The following B3GALT1 variants were observed in gnomAD, a reference collection of about 807,000 sequenced individuals.
B3GALT1 encodes UDP-Gal:betaGlcNAc beta 1,3-galactosyltransferase, polypeptide 1.
In B3GALT1, 10 loss-of-function variants were observed where a neutral mutation model predicts 23.2. That is an observed-to-expected ratio of 0.43 (90% confidence interval 0.27 to 0.73). The LOEUF is 0.73. Among genes scored for constraint, B3GALT1 ranks in the 30% least tolerant of loss-of-function variants. The probability of loss-of-function intolerance (pLI) is 0.21; values close to 1 mark genes in which losing one functional copy is unlikely to be tolerated. For synonymous variants in B3GALT1, 156 were observed against 141.5 expected (o/e 1.10, Z -0.73); for missense variants, 299 against 405.4 (o/e 0.74, Z 2.25).
intron 1 of B3GALT1, among the ~76,000 whole-genome samples, chr2:167,429,855 CTAA>C (rs2105306772): frequency 6.6e-6 from 1 of 152,316 alleles, no homozygotes; most frequent in Non-Finnish European, 1.5e-5. Flanking sequence ...ATGTTAGCCT[CTAA>C]TGTTACCATT....
intron 1 of B3GALT1, among the ~76,000 whole-genome samples, chr2:167,379,638 A>C (rs1460878866): frequency 3.3e-5 from 5 of 152,094 alleles, no homozygotes; most frequent in Non-Finnish European, 7.4e-5. Context: ...ATTCTTGTTT[A>C]CTGGAAGAAG....
At chr2:167,587,818 A>T (rs1684607513) in intron 2 of B3GALT1, among the ~76,000 whole-genome samples, 1 of 152,188 alleles carries the variant, frequency 6.6e-6, no homozygotes, top group Non-Finnish European at 1.5e-5. Flanking sequence ...CAGTCTAGTA[A>T]TTCAATGTAT....
At chr2:167,787,416 A>G (rs1688359319) in intron 3 of B3GALT1, among the ~76,000 whole-genome samples, 1 of 152,218 alleles carries the variant, frequency 6.6e-6, no homozygotes, top group Non-Finnish European at 1.5e-5. Context: ...AGTAGGTCAG[A>G]AAAAAATGAC....
chr2:167,536,291 G>A (rs577017543), intron 2 of B3GALT1, among the ~76,000 whole-genome samples: 33 of 152,134 alleles, frequency 2.2e-4, no homozygotes, highest in African/African-American at 8.0e-4. Context: ...GCAAGAACAG[G>A]AAATAAAGAA....
intron 2 of B3GALT1, among the ~76,000 whole-genome samples, chr2:167,579,441 TTTTTTTC>T (rs1300362500): frequency 6.9e-6 from 1 of 145,912 alleles, no homozygotes; most frequent in Non-Finnish European, 1.5e-5. Context: ...TCTTTTTTTT[TTTTTTTC>T]CATTTAAATT....
At chr2:167,661,470 T>C (rs1056783228) in intron 3 of B3GALT1, among the ~76,000 whole-genome samples, 5 of 152,028 alleles carry the variant, frequency 3.3e-5, no homozygotes, top group Admixed American at 3.3e-4. Flanking sequence ...TTCTAAACTG[T>C]TATTCAAGAG....
intron 4 of B3GALT1, among the ~76,000 whole-genome samples, chr2:167,853,343 C>T (rs1689940315): frequency 6.6e-6 from 1 of 152,058 alleles, no homozygotes; most frequent in Non-Finnish European, 1.5e-5. Flanking sequence ...CAATTTTTCT[C>T]CTATTGAGAG....
intron 3 of B3GALT1, among the ~76,000 whole-genome samples, chr2:167,665,768 T>A (rs925175237): frequency 2.0e-5 from 3 of 152,254 alleles, no homozygotes; most frequent in Non-Finnish European, 4.4e-5. Flanking sequence ...TTTGTACTAT[T>A]CTCTGATGGT....
chr2:167,548,687 T>TGTGTGTGTGTGTGTGTGTGTGAGA (rs1553466247), intron 2 of B3GALT1, among the ~76,000 whole-genome samples: 12 of 123,870 alleles, frequency 9.7e-5, no homozygotes, highest in Admixed American at 5.5e-4. Context: ...TGTGTGTGAG[T>TGTGTGTGTGTGTGTGTGTGTGAGA]GTGTGTGTGT....
intron 1 of B3GALT1, among the ~76,000 whole-genome samples, chr2:167,324,600 A>T (rs747976952): frequency 1.3e-5 from 2 of 152,034 alleles, no homozygotes; most frequent in Non-Finnish European, 2.9e-5. Context: ...GATATATTAG[A>T]TTTGAACATA....
chr2:167,501,163 A>G (rs1233648156), intron 2 of B3GALT1, among the ~76,000 whole-genome samples: 3 of 152,148 alleles, frequency 2.0e-5, no homozygotes, highest in African/African-American at 7.2e-5. Context: ...GTAGAAGTAA[A>G]TGGAAATGGA....
chr2:167,606,702 G>T (rs1361528708), intron 2 of B3GALT1, among the ~76,000 whole-genome samples: 1 of 152,144 alleles, frequency 6.6e-6, no homozygotes, highest in Non-Finnish European at 1.5e-5. Context: ...GAGAAGAAAA[G>T]ATTGGGGCAA....
chr2:167,591,768 T>C (rs1274879342), intron 2 of B3GALT1, among the ~76,000 whole-genome samples: 1 of 152,144 alleles, frequency 6.6e-6, no homozygotes, highest in Admixed American at 6.5e-5. Flanking sequence ...CCACTGCACC[T>C]GGCCTGACCT....
intron 3 of B3GALT1, among the ~76,000 whole-genome samples, chr2:167,762,306 G>T (rs1030547826): frequency 6.6e-6 from 1 of 152,220 alleles, no homozygotes; most frequent in Non-Finnish European, 1.5e-5. Flanking sequence ...ACTAGACCAA[G>T]AATATGGCAT....
chr2:167,315,410 T>G (rs1696698817), intron 1 of B3GALT1, among the ~76,000 whole-genome samples: 2 of 152,168 alleles, frequency 1.3e-5, no homozygotes. Flanking sequence ...ACCTATGGCC[T>G]GTGACATATT....
In B3GALT1 at chr2:167,775,731, C is replaced by G. The variant is rs142979652; in HGVS notation, c.-351-42941C>G. 3.5e-3 allele frequency among the ~76,000 whole-genome samples: 516 copies of G among 148,058 alleles called. 2 individuals are homozygous for G. The highest frequency in any genetic ancestry group is 0.026 in the Middle Eastern group (6 of 232). On this transcript the variant is annotated intron_variant, in intron 3 of 4. Transcript: ENST00000392690. ...AAACAGGTGCTTCCATATTCAAATG[C>G]ATGAAGAAACAGTATGGCATATATT...
At chr2:167,308,668 T>C (rs537442659) in intron 1 of B3GALT1, among the ~76,000 whole-genome samples, 2 of 151,938 alleles carry the variant, frequency 1.3e-5, no homozygotes, top group South Asian at 4.2e-4. Context: ...TCTTCTAAGA[T>C]TTTTTTTAAA....
rs116489174 is a variant in B3GALT1 at position 167,420,953 on chromosome 2, T to A, written c.-510-69224T>A. ...GTAGCTAAAAAATGTAAGTGACTTA[T>A]ACTAATGTCACCAGCTAGACATATT... On this transcript the variant is annotated intron_variant, in intron 1 of 4. Coordinates refer to ENST00000392690, the MANE Select transcript of B3GALT1 (RefSeq NM_020981.4). Among the ~76,000 whole-genome samples, 732 of 152,318 alleles carry A rather than the reference T, an allele frequency of 4.8e-3. 6 individuals are homozygous for A. Among genetic ancestry groups the A allele is most frequent in the East Asian group, 0.018 (93 of 5,184 alleles).
chr2:167,312,214 G>A (rs934969000), intron 1 of B3GALT1, among the ~76,000 whole-genome samples: 4 of 151,860 alleles, frequency 2.6e-5, no homozygotes, highest in African/African-American at 9.7e-5. Flanking sequence ...GTAGGAAGCA[G>A]TAAAGAGCAA....
Sources: gnomAD v4.1 joint callset for allele counts (sites outside exome capture counted in the v4.1 genomes callset) on GRCh38, gnomAD v4.1.1 for gene constraint, MANE v1.5 for transcripts, NCBI Gene and HGNC (gene_info 2026-07-23, HGNC 2026-07-21) for gene names.